The following SNTG1 variants were observed in gnomAD, a reference collection of about 807,000 sequenced individuals.
SNTG1 encodes gamma-1-syntrophin.
In SNTG1, 39 loss-of-function variants were observed where a neutral mutation model predicts 74.7. The ratio of observed to expected loss-of-function variants is 0.52; its 90% CI spans 0.40 to 0.68. The LOEUF (loss-of-function observed/expected upper bound fraction) is 0.68. Ranked by LOEUF, SNTG1 falls within the 30% of genes least tolerant of loss-of-function variation. The pLI, the probability that SNTG1 is intolerant of heterozygous loss-of-function variation, is 0.00. For synonymous variants in SNTG1, 254 were observed against 217.1 expected, an observed-to-expected ratio of 1.17 and a Z score of -1.49; for missense variants, 685 against 609.5, an observed-to-expected ratio of 1.12 and a Z score of -1.30.
rs144842678 is a variant in SNTG1, at chr8:50,411,185, A to G, written c.162+8841A>G. ...AAAGGAAGGCCGGGTGCGGTGGCTC[A>G]CATCTGTAATCCCAGCACTTTGGGA... On this transcript the variant is annotated intron_variant, in intron 4 of 18. Coordinates refer to ENST00000642720, the MANE Select transcript of SNTG1 (RefSeq NM_018967.5). 9.1e-3 allele frequency among the ~76,000 whole-genome samples: 1,387 copies of G among 152,258 alleles called. 28 individuals are homozygous for G. Among genetic ancestry groups the G allele is most frequent in the African/African-American group, 0.032 (1,315 of 41,542 alleles).
intron 1 of SNTG1, among the ~76,000 whole-genome samples, chr8:50,064,003 A>T (rs1219780437): frequency 6.6e-6 from 1 of 152,160 alleles, no homozygotes; most frequent in Non-Finnish European, 1.5e-5. Context: ...TAATTGCATA[A>T]CTCTGGGAAA....
chr8:50,278,397 C>T (rs1040940957), intron 2 of SNTG1, among the ~76,000 whole-genome samples: 1 of 151,996 alleles, frequency 6.6e-6, no homozygotes, highest in Non-Finnish European at 1.5e-5. Context: ...TGGCTTTGGC[C>T]TTGTTCTTTC....
At chr8:50,425,962 A>G (rs2093158584) in intron 4 of SNTG1, among the ~76,000 whole-genome samples, 1 of 152,168 alleles carries the variant, frequency 6.6e-6, no homozygotes, top group Admixed American at 6.6e-5. Context: ...GGAAGTCTTC[A>G]TTAAATTTAA....
At chr8:50,045,586 C>G (rs1260655793) in intron 1 of SNTG1, among the ~76,000 whole-genome samples, 1 of 152,064 alleles carries the variant, frequency 6.6e-6, no homozygotes, top group African/African-American at 2.4e-5. Flanking sequence ...GGATTTACTT[C>G]TTTTGGGGAG....
intron 15 of SNTG1, among the ~76,000 whole-genome samples, chr8:50,691,581 C>T (rs1436245325): frequency 6.6e-6 from 1 of 152,198 alleles, no homozygotes; most frequent in African/African-American, 2.4e-5. Flanking sequence ...TTGGTCCCCA[C>T]TCTCTTCTGG....
At chr8:49,960,069 C>T (rs1305427911) in intron 1 of SNTG1, among the ~76,000 whole-genome samples, 1 of 152,184 alleles carries the variant, frequency 6.6e-6, no homozygotes, top group Non-Finnish European at 1.5e-5. Flanking sequence ...TGTAAACCCA[C>T]ACAGGGTGCA....
intron 2 of SNTG1, among the ~76,000 whole-genome samples, chr8:50,244,802 A>T (rs536511083): frequency 6.6e-6 from 1 of 152,308 alleles, no homozygotes; most frequent in East Asian, 1.9e-4. Context: ...AAAAACTTGC[A>T]GTCTCAAATA....
At chr8:50,646,324 A>T (rs886304957) in intron 13 of SNTG1, among the ~76,000 whole-genome samples, 5 of 152,272 alleles carry the variant, frequency 3.3e-5, no homozygotes, top group East Asian at 3.9e-4. Flanking sequence ...GGTAGGTTCC[A>T]CCCCTAAAGT....
In SNTG1 at chr8:50,601,233, G is replaced by C. The variant is rs1041345559; in HGVS notation, c.849+10316G>C. Among the ~76,000 whole-genome samples the C allele has an allele frequency of 9.1e-5, 13 of 143,446 alleles. 1 individual carries two copies. The highest frequency in any genetic ancestry group is 3.2e-4 in the African/African-American group (12 of 37,448). 94.1% of individuals were successfully genotyped at this position (143,446 alleles called of 152,430 possible). A position where few individuals can be genotyped will look rare whatever the true frequency, so the allele number is the denominator to read the frequency against. ...TTCTTTGAAGGCTTTTTGTTTGTTT[G>C]GCTTTGTTTTTTATGTAGGCACTTA... On this transcript the variant is annotated intron_variant, in intron 13 of 18. Transcript: ENST00000642720.
chr8:50,388,780 T>C (rs1457231681), intron 2 of SNTG1, among the ~76,000 whole-genome samples: 3 of 152,202 alleles, frequency 2.0e-5, no homozygotes, highest in African/African-American at 7.2e-5. Flanking sequence ...GTCTCCATTA[T>C]TTAAAGTGAG....
At chr8:49,988,560 G>T (rs530997803) in intron 1 of SNTG1, among the ~76,000 whole-genome samples, 5 of 152,282 alleles carry the variant, frequency 3.3e-5, no homozygotes, top group Admixed American at 2.6e-4. Context: ...CAGTAGGTTT[G>T]AGCTGGCAGA....
chr8:50,009,045 A>G (rs995825560), intron 1 of SNTG1, among the ~76,000 whole-genome samples: 1 of 151,994 alleles, frequency 6.6e-6, no homozygotes, highest in African/African-American at 2.4e-5. Flanking sequence ...ATTTATGAGA[A>G]GTTAATTTAT....
At chr8:50,270,256 C>T (rs1333372875) in intron 2 of SNTG1, among the ~76,000 whole-genome samples, 2 of 152,056 alleles carry the variant, frequency 1.3e-5, no homozygotes, top group Non-Finnish European at 2.9e-5. Flanking sequence ...GTGACAGACG[C>T]TATTAAAAGT....
intron 2 of SNTG1, among the ~76,000 whole-genome samples, chr8:50,178,862 T>G (rs1481417019): frequency 6.6e-6 from 1 of 152,206 alleles, no homozygotes; most frequent in Non-Finnish European, 1.5e-5. Flanking sequence ...TGCTTGCTTA[T>G]TTTTACTTTT....
chr8:50,731,488 G>A (rs572068423), intron 17 of SNTG1, among the ~76,000 whole-genome samples: 2 of 152,118 alleles, frequency 1.3e-5, no homozygotes, highest in East Asian at 1.9e-4. Flanking sequence ...TGATTGAAAA[G>A]CTTTTGACGC....
At chr8:50,349,252 A>C (rs1450126534) in intron 2 of SNTG1, among the ~76,000 whole-genome samples, 1 of 151,966 alleles carries the variant, frequency 6.6e-6, no homozygotes, top group African/African-American at 2.4e-5. Context: ...TGTTTTGGGA[A>C]TTGTGCTAGG....
At chr8:50,669,447 T>C (rs900820588) in intron 15 of SNTG1, among the ~76,000 whole-genome samples, 1 of 151,958 alleles carries the variant, frequency 6.6e-6, no homozygotes, top group Non-Finnish European at 1.5e-5. Context: ...CTAGAAGAAA[T>C]GGATAAATTC....
At chr8:50,100,932 C>G (rs1017968400) in intron 1 of SNTG1, among the ~76,000 whole-genome samples, 1 of 152,066 alleles carries the variant, frequency 6.6e-6, no homozygotes, top group Admixed American at 6.6e-5. Context: ...TCACCCTCCT[C>G]CCACTGTCCA....
At chr8:50,572,251 A>G (rs1237307065) in intron 12 of SNTG1, among the ~76,000 whole-genome samples, 1 of 107,756 alleles carries the variant, frequency 9.3e-6, no homozygotes, top group Non-Finnish European at 1.8e-5. Context: ...TGTTTCTATC[A>G]CCTATTTTAT....
Sources: allele counts gnomAD v4.1 joint callset (sites outside exome capture counted in the v4.1 genomes callset), GRCh38; gene constraint gnomAD v4.1.1; transcripts MANE v1.5; gene names NCBI Gene and HGNC (gene_info 2026-07-23, HGNC 2026-07-21).